The following DYM variants were observed in gnomAD, a reference collection of about 807,000 sequenced individuals.
The protein encoded by DYM is dymeclin, also known as dyggve-Melchior-Clausen syndrome protein.
DYM carries 78 observed loss-of-function variants against 93.1 expected under a neutral mutation model. The ratio of observed to expected loss-of-function variants is 0.84; its 90% CI spans 0.70 to 1.01. The LOEUF is 1.01. Ranked by LOEUF, DYM falls within the 50% of genes least tolerant of loss-of-function variation. The probability of loss-of-function intolerance (pLI) is 0.00; values close to 1 mark genes in which losing one functional copy is unlikely to be tolerated. For missense variants in DYM, 789 were observed against 845.0 expected (o/e 0.93, Z 0.82); for synonymous variants, 321 against 319.7 (o/e 1.00, Z -0.04).
At chr18:49,190,461 G>A (rs1432363460) in intron 14 of DYM, among the ~76,000 whole-genome samples, 4 of 152,092 alleles carry the variant, frequency 2.6e-5, no homozygotes, top group African/African-American at 7.2e-5. Context: ...GACTCTCAAT[G>A]CCACAACCAT....
At chr18:49,085,921 T>A (rs1031769323) in intron 17 of DYM, among the ~76,000 whole-genome samples, 1 of 152,164 alleles carries the variant, frequency 6.6e-6, no homozygotes, top group Admixed American at 6.5e-5. Context: ...TCTATTTTTT[T>A]AAGCACCACA....
intron 17 of DYM, among the ~76,000 whole-genome samples, chr18:49,047,886 G>A (rs934576101): frequency 2.3e-4 from 35 of 152,276 alleles, no homozygotes; most frequent in African/African-American, 6.0e-4. Flanking sequence ...ACATCATGCC[G>A]TCTGAAGCTC....
At chr18:49,414,356 T>C (rs1330345894) in intron 2 of DYM, among the ~76,000 whole-genome samples, 2 of 152,254 alleles carry the variant, frequency 1.3e-5, no homozygotes, top group East Asian at 1.9e-4. Flanking sequence ...TAAAAAATGG[T>C]TGAAAAGGTA....
chr18:49,375,662 T>C (rs1045953666), intron 5 of DYM: 1 of 152,214 alleles, frequency 6.6e-6, no homozygotes, highest in East Asian at 1.9e-4. Context: ...GATACTGTGA[T>C]GGTTAATATC....
intron 13 of DYM, among the ~76,000 whole-genome samples, chr18:49,240,638 T>G (rs1291158220): frequency 1.3e-5 from 2 of 152,008 alleles, no homozygotes; most frequent in South Asian, 2.1e-4. Flanking sequence ...AATTTTGACT[T>G]GAAAATTTTT....
chr18:49,350,849 G>A (rs9807152), intron 6 of DYM, among the ~76,000 whole-genome samples: 23,318 of 151,444 alleles, frequency 0.15, 1,928 homozygotes, highest in Non-Finnish European at 0.17. Flanking sequence ...CTTTCATACC[G>A]TCTGATTTTT....
rs190917652 is a variant in DYM at position 49,192,050 on chromosome 18, C to T, written c.1625+17501G>A. 6.7e-4 allele frequency among the ~76,000 whole-genome samples: 101 copies of T among 151,774 alleles called. 1 individual carries two copies. Among genetic ancestry groups the T allele is most frequent in the African/African-American group, 2.2e-3 (93 of 41,410 alleles). The stretch of plus-strand genomic sequence containing the variant: ...CACCTGGGCTCAAGCGATCCTCCTG[C>T]CTCAGCCTCCTGGGACTATACATAT... On this transcript the variant is annotated intron_variant, in intron 14 of 17. Transcript: ENST00000675505.
At chr18:49,104,901 T>C (rs184118942) in intron 16 of DYM, among the ~76,000 whole-genome samples, 7 of 152,352 alleles carry the variant, frequency 4.6e-5, no homozygotes, top group Non-Finnish European at 8.8e-5. Flanking sequence ...CAGGCTTTGG[T>C]ATCAGGATGA....
At position 49,040,373 on chromosome 18, in the gene DYM, C is replaced by T. The variant is rs977462693; in HGVS notation, c.*3682G>A. 1.3e-5 allele frequency among the ~76,000 whole-genome samples: 2 copies of T among 152,158 alleles called. No individual in the cohort carries two copies. Among genetic ancestry groups the T allele is most frequent in the African/African-American group, 2.4e-5 (1 of 41,458 alleles). ...GACCTGGCCAAGGGTCTTGGGGCTA[C>T]TGGTGAGTCTCCCTTGCTTTGAGTG... On this transcript the variant is annotated 3_prime_UTR_variant, in exon 18 of 18. Coordinates refer to ENST00000675505, the MANE Select transcript of DYM (RefSeq NM_001353214.3).
chr18:49,056,768 C>T (rs569598934), intron 17 of DYM, among the ~76,000 whole-genome samples: 139 of 151,608 alleles, frequency 9.2e-4, no homozygotes, highest in African/African-American at 2.4e-3. Context: ...AGGATGGTCT[C>T]GATCTCCTGA....
At chr18:49,143,999 A>T (rs1340447189) in intron 15 of DYM, among the ~76,000 whole-genome samples, 1 of 152,210 alleles carries the variant, frequency 6.6e-6, no homozygotes, top group African/African-American at 2.4e-5. Flanking sequence ...TCACACATAA[A>T]AAATTAATAG....
At position 49,289,746 on chromosome 18, in the gene DYM, T is replaced by TATATATATATATACAC. The variant is rs2059939370; in HGVS notation, c.764-3131_764-3130insGTGTATATATATATAT. On this transcript the variant is annotated intron_variant, in intron 8 of 17. Transcript: ENST00000675505. ...ATATGTGTATATATATATATATATATATATATATATATATATATATATATA... is the reference window on the plus strand; with the variant it reads ...ATATGTGTATATATATATATATATATATATATATATATACACATATATATATATATATATATATATA... Among the ~76,000 whole-genome samples the TATATATATATATACAC allele has an allele frequency of 1.4e-4, 6 of 42,854 alleles. No individual in the cohort carries two copies. The East Asian group carries it at 2.9e-3, about 21-fold the overall frequency. The allele number at this position is 42,854 out of a possible 152,430, so 28.1% of individuals were successfully genotyped here.
intron 13 of DYM, among the ~76,000 whole-genome samples, chr18:49,210,839 G>C (rs939714083): frequency 2.0e-5 from 3 of 152,070 alleles, no homozygotes; most frequent in African/African-American, 4.8e-5. Flanking sequence ...ACCTAAAACT[G>C]CTCTTTAAAA....
chr18:49,440,935 A>ATAAT (rs1488402554), intron 1 of DYM, among the ~76,000 whole-genome samples: 215 of 442 alleles, frequency 0.49, 77 homozygotes, highest in Admixed American at 0.54. Flanking sequence ...TATATTATAT[A>ATAAT]ATATATAATA....
At chr18:49,182,920 G>A (rs1224238593) in intron 14 of DYM, among the ~76,000 whole-genome samples, 1 of 152,142 alleles carries the variant, frequency 6.6e-6, no homozygotes, top group East Asian at 1.9e-4. Context: ...GGTAAATCCA[G>A]TCTCTGTTAC....
rs116903625 is a variant in DYM at position 49,098,253 on chromosome 18, C to A, written c.1912-738G>T. 2.5e-3 allele frequency among the ~76,000 whole-genome samples: 386 copies of A among 152,290 alleles called. 9 individuals carry two copies. In the East Asian group the frequency reaches 0.04, roughly 16 times the overall value. ...AGAATAACATTTAGGTGTTTATAGT[C>A]AGACATGCAAAAATATAAAAAATTA... On this transcript the variant is annotated intron_variant, in intron 16 of 17. Transcript: ENST00000675505.
At chr18:49,249,094 T>C (rs1016168957) in intron 13 of DYM, among the ~76,000 whole-genome samples, 24 of 152,144 alleles carry the variant, frequency 1.6e-4, no homozygotes, top group Admixed American at 1.4e-3. Flanking sequence ...GGTCCCATGG[T>C]GAGCGAGTCA....
intron 13 of DYM, among the ~76,000 whole-genome samples, chr18:49,253,143 G>A (rs933776701): frequency 1.3e-5 from 2 of 152,128 alleles, no homozygotes; most frequent in Admixed American, 6.5e-5. Flanking sequence ...GCATTTTGTT[G>A]AAGATCATGT....
At chr18:49,290,200 G>A (rs561626158) in intron 8 of DYM, among the ~76,000 whole-genome samples, 1 of 151,854 alleles carries the variant, frequency 6.6e-6, no homozygotes, top group South Asian at 2.1e-4. Flanking sequence ...TAACAATGGT[G>A]ACATAAACTA....
Sources: gnomAD v4.1 joint callset for allele counts (sites outside exome capture counted in the v4.1 genomes callset) on GRCh38, gnomAD v4.1.1 for gene constraint, MANE v1.5 for transcripts, NCBI Gene and HGNC (gene_info 2026-07-23, HGNC 2026-07-21) for gene names.